Variants in TOGARAM2 observed in about 807,000 individuals in gnomAD.
TOGARAM2 encodes TOG array regulator of axonemal microtubules 2, also known as TOG array regulator of axonemal microtubules protein 2.
A neutral mutation model predicts 93.3 loss-of-function variants in TOGARAM2; 85 were observed. The ratio of observed to expected loss-of-function variants is 0.91; its 90% CI spans 0.76 to 1.09. The LOEUF (loss-of-function observed/expected upper bound fraction) is 1.09, where lower values mean the gene tolerates loss of function less well. Among genes scored for constraint, TOGARAM2 ranks in the 50% least tolerant of loss-of-function variants. The pLI is 0.00. For missense variants in TOGARAM2, 1,277 were observed against 1,334.5 expected (o/e 0.96, Z 0.67); for synonymous variants, 593 against 552.8 (o/e 1.07, Z -1.02).
Position 29,032,970 on chromosome 2 carries a change from G to T in TOGARAM2, c.2049G>T (p.Ala683=). 1 of 1,613,784 alleles carries T rather than the reference G, an allele frequency of 6.2e-7. No homozygotes were observed. The change falls in exon 15 of 20, where the codon GCG becomes GCT. Residue 683 remains alanine (A), a synonymous_variant. Coordinates refer to ENST00000379558, the MANE Select transcript of TOGARAM2 (RefSeq NM_199280.4). The stretch of plus-strand genomic sequence containing the variant: ...GGAAGATGGTGAATATCTTGATGGC[G>T]AACACTAAGTTTGATGCATTTCTGA... ...YGRKMVNILM[A]NTKFDAFLKQ...
intron 1 of TOGARAM2, among the ~76,000 whole-genome samples, chr2:28,987,455 A>G (rs952139579): frequency 1.3e-5 from 2 of 152,062 alleles, no homozygotes; most frequent in African/African-American, 4.8e-5. Flanking sequence ...ACGCCCAGCT[A>G]ATTTTTTGTA....
chr2:29,038,961 T>C (rs989189467), intron 18 of TOGARAM2, among the ~76,000 whole-genome samples: 3 of 151,992 alleles, frequency 2.0e-5, no homozygotes, highest in African/African-American at 7.3e-5. Context: ...TGCCAGGGAG[T>C]ACCTAGGGTA....
chr2:29,011,360 G>A, intron 6 of TOGARAM2, 95 bp from the exon 7 acceptor site: 1 of 1,096,538 alleles, frequency 9.1e-7, no homozygotes, highest in Non-Finnish European at 1.3e-6. Context: ...CCCCATCTCG[G>A]CCATTGCCCC....
chr2:29,003,730 C>A (rs758777502), intron 6 of TOGARAM2, 48 bp downstream of exon 6: 1 of 1,411,334 alleles, frequency 7.1e-7, no homozygotes, highest in Non-Finnish European at 9.3e-7. Context: ...CTCCCTCTGT[C>A]CCCCTGAGAT....
chr2:28,969,248 T>A (rs1671912287), intron 1 of TOGARAM2, among the ~76,000 whole-genome samples: 1 of 152,178 alleles, frequency 6.6e-6, no homozygotes, highest in Admixed American at 6.5e-5. Context: ...CCATGGAGGT[T>A]TTCAGTTCTG....
chr2:28,976,156 G>T (rs1206323345), intron 1 of TOGARAM2, among the ~76,000 whole-genome samples: 12 of 152,194 alleles, frequency 7.9e-5, no homozygotes, highest in Non-Finnish European at 1.5e-5. Context: ...GGATCACGAG[G>T]TCAGGAGATC....
At chr2:28,994,162 T>A (rs1672873768) in intron 1 of TOGARAM2, among the ~76,000 whole-genome samples, 1 of 152,004 alleles carries the variant, frequency 6.6e-6, no homozygotes, top group Non-Finnish European at 1.5e-5. Flanking sequence ...GCTGGAGGGA[T>A]CAAGGTGTGG....
intron 1 of TOGARAM2, among the ~76,000 whole-genome samples, chr2:28,986,370 C>T (rs765347985): frequency 1.3e-5 from 2 of 152,116 alleles, no homozygotes; most frequent in African/African-American, 2.4e-5. Context: ...ACCCCCAACC[C>T]GAGATACCCA....
rs1170607481 is a variant in TOGARAM2 at position 28,996,799 on chromosome 2, C to CAA, written c.29-1320_29-1319dup. ...AGATCGCACCACTGAGACTCCATCT[C>CAA]AAAAAAAAAAAAAAAAAAAAAAAAA... On this transcript the variant is annotated intron_variant, in intron 2 of 19. Coordinates refer to ENST00000379558, the MANE Select transcript of TOGARAM2 (RefSeq NM_199280.4). 9.2e-3 allele frequency among the ~76,000 whole-genome samples: 373 copies of CAA among 40,332 alleles called. 11 individuals are homozygous for CAA. The highest frequency in any genetic ancestry group is 0.015 in the Middle Eastern group (1 of 68). The allele number at this position is 40,332 out of a possible 152,430, so 26.5% of individuals were successfully genotyped here.
rs1667097305 is a variant in TOGARAM2 at position 29,051,942 on chromosome 2, A to C, written c.2909A>C (p.Asp970Ala). 1 of 1,606,740 alleles carries C rather than the reference A, an allele frequency of 6.2e-7. No individual in the cohort carries two copies. Among genetic ancestry groups the C allele is most frequent in the African/African-American group, 1.3e-5 (1 of 74,786 alleles). The change falls in exon 20 of 20, where the codon GAC becomes GCC. Residue 970 changes from aspartate (D) to alanine (A), a missense_variant. By Grantham distance (126) the Asp-to-Ala change is moderately radical. Coordinates refer to ENST00000379558, the MANE Select transcript of TOGARAM2 (RefSeq NM_199280.4). ...GAGCACATGGGCTCCCGCCTGCTGG[A>C]CTTTGCCGCCAGCCAGCCAAAGCAC... ...LQEHMGSRLLDFAASQPKHVL... is the reference protein window; with the variant it reads ...LQEHMGSRLLAFAASQPKHVL...
At chr2:29,011,024 T>C (rs72788128) in intron 6 of TOGARAM2, among the ~76,000 whole-genome samples, 11,457 of 152,174 alleles carry the variant, frequency 0.075, 507 homozygotes, top group African/African-American at 0.12. Context: ...TAGGGGTCAC[T>C]GAGCTCTCAC....
intron 18 of TOGARAM2, among the ~76,000 whole-genome samples, chr2:29,041,129 A>G (rs1013325040): frequency 6.6e-6 from 1 of 150,676 alleles, no homozygotes; most frequent in African/African-American, 2.4e-5. Context: ...GGCTCAAGCG[A>G]TGCTTCTGCC....
Position 29,032,924 on chromosome 2 carries a change from C to G in TOGARAM2, c.2013-10C>G. ...GCTGTTTCTTTATCTTGCTCTCTCT[C>G]CTGTGGCAGATTTTATGGCCGGAAG... On this transcript the variant is annotated splice_polypyrimidine_tract_variant and intron_variant, in intron 14 of 19. Coordinates refer to ENST00000379558, the MANE Select transcript of TOGARAM2 (RefSeq NM_199280.4). 8 of 1,611,088 alleles carry G rather than the reference C, an allele frequency of 5.0e-6. No homozygotes were observed. The highest frequency in any genetic ancestry group is 6.8e-6 in the Non-Finnish European group (8 of 1,178,052).
intron 16 of TOGARAM2, 98 bp from the exon 17 acceptor site, chr2:29,035,366 C>T: frequency 8.8e-7 from 1 of 1,138,554 alleles, no homozygotes; most frequent in East Asian, 3.1e-5. Flanking sequence ...ACTCTTGTCT[C>T]TGCCCCACCT....
intron 1 of TOGARAM2, among the ~76,000 whole-genome samples, chr2:28,992,190 A>G (rs1195436392): frequency 6.6e-6 from 1 of 151,968 alleles, no homozygotes; most frequent in Non-Finnish European, 1.5e-5. Context: ...TATAGTTTGG[A>G]TATGGATCAT....
At chr2:29,036,329 T>C (rs1330094566) in intron 17 of TOGARAM2, among the ~76,000 whole-genome samples, 2 of 152,166 alleles carry the variant, frequency 1.3e-5, no homozygotes, top group Non-Finnish European at 2.9e-5. Context: ...TGGCATGCAA[T>C]GAGTGCTCAA....
In TOGARAM2 at chr2:29,022,227, G is replaced by C; in HGVS notation, c.1430G>C (p.Arg477Thr). The C allele has an allele frequency of 1.2e-6, 2 of 1,614,070 alleles. No individual in the cohort carries two copies. The highest frequency in any genetic ancestry group is 1.1e-5 in the South Asian group (1 of 91,090). Residue 477 changes from arginine to threonine, a missense_variant, in exon 11 of 20, where the codon AGA (arginine) becomes ACA (threonine). Physicochemically the swap from Arg to Thr is moderately conservative, Grantham distance 71. Coordinates refer to ENST00000379558, the MANE Select transcript of TOGARAM2 (RefSeq NM_199280.4). ...GAAGAAGAGGAGGAGATGGATCTTA[G>C]AGCCTGTAAGGAGTTGAGGCCTTTC... is the stretch of plus-strand genomic sequence containing the variant. ...EWEEEEEMDL[R>T]ACKELRPFSN...
At chr2:29,012,923 C>A (rs1664339503) in intron 7 of TOGARAM2, among the ~76,000 whole-genome samples, 1 of 152,230 alleles carries the variant, frequency 6.6e-6, no homozygotes, top group South Asian at 2.1e-4. Flanking sequence ...CCCCTCTTCC[C>A]CCTTGGCCCT....
At position 29,014,384 on chromosome 2, in the gene TOGARAM2, C is replaced by T. The variant is rs767714840; in HGVS notation, c.878-11C>T. 2 of 1,609,404 alleles carry T rather than the reference C, an allele frequency of 1.2e-6. No individual in the cohort carries two copies. The highest frequency in any genetic ancestry group is 1.7e-5 in the Admixed American group (1 of 59,576). ...GTGTCTTCAGCTCCACCCCTGTTCTCAACCCCTCAGAGCCAAAACCTTTGG... is the reference window on the plus strand; with the variant it reads ...GTGTCTTCAGCTCCACCCCTGTTCTTAACCCCTCAGAGCCAAAACCTTTGG... On this transcript the variant is annotated splice_polypyrimidine_tract_variant and intron_variant, in intron 7 of 19. Transcript: ENST00000379558.
Sources: allele counts gnomAD v4.1 joint callset (sites outside exome capture counted in the v4.1 genomes callset), GRCh38; gene constraint gnomAD v4.1.1; transcripts MANE v1.5; gene names NCBI Gene and HGNC (gene_info 2026-07-23, HGNC 2026-07-21).